The following TNS3 variants were observed in gnomAD, a reference collection of about 807,000 sequenced individuals.
TNS3 encodes the protein tensin-3.
TNS3 carries 45 observed loss-of-function variants against 140.9 expected under a neutral mutation model. The ratio of observed to expected loss-of-function variants is 0.32; its 90% CI spans 0.25 to 0.41. The LOEUF is 0.41. Ranked by LOEUF, TNS3 falls within the 10% of genes least tolerant of loss-of-function variation. The pLI is 1.00. For missense variants in TNS3, 1,716 were observed against 1,906.7 expected (o/e 0.90, Z 1.86); for synonymous variants, 815 against 788.4 (o/e 1.03, Z -0.56).
At chr7:47,466,752 G>C (rs1796734712) in intron 4 of TNS3, among the ~76,000 whole-genome samples, 1 of 152,196 alleles carries the variant, frequency 6.6e-6, no homozygotes, top group Admixed American at 6.5e-5. Context: ...GAGGACCAGA[G>C]CCTAGAGCCA....
At chr7:47,283,918 G>A (rs1309737224) in intron 27 of TNS3, 53 bp from the exon 28 acceptor site, 2 of 1,473,866 alleles carry the variant, frequency 1.4e-6, no homozygotes, top group Non-Finnish European at 1.8e-6. Flanking sequence ...GGACAGGTGT[G>A]TCCTGTTAAC....
chr7:47,323,094 A>T (rs1003481856), intron 20 of TNS3, among the ~76,000 whole-genome samples: 2 of 152,160 alleles, frequency 1.3e-5, no homozygotes, highest in African/African-American at 2.4e-5. Context: ...GGCTGGAGGT[A>T]CCGCTCCTCG....
intron 16 of TNS3, among the ~76,000 whole-genome samples, chr7:47,369,939 T>A (rs1450876423): frequency 6.6e-6 from 1 of 152,202 alleles, no homozygotes; most frequent in African/African-American, 2.4e-5. Flanking sequence ...GTTAATTTCA[T>A]CATGATTGTG....
At chr7:47,544,621 C>G (rs565976243) in intron 1 of TNS3, among the ~76,000 whole-genome samples, 10 of 152,196 alleles carry the variant, frequency 6.6e-5, no homozygotes, top group African/African-American at 2.4e-4. Context: ...GGACTTCCAG[C>G]CTCCAACTGT....
At chr7:47,361,102 T>A (rs1444957369) in intron 17 of TNS3, among the ~76,000 whole-genome samples, 1 of 149,456 alleles carries the variant, frequency 6.7e-6, no homozygotes, top group Non-Finnish European at 1.5e-5. Flanking sequence ...GGAACCCCCA[T>A]CCTGCCTAAA....
intron 20 of TNS3, among the ~76,000 whole-genome samples, chr7:47,323,939 G>A (rs542403667): frequency 6.6e-5 from 10 of 152,158 alleles, no homozygotes; most frequent in East Asian, 1.9e-4. Flanking sequence ...GAAAAAATCC[G>A]GAAAAACGTA....
chr7:47,374,703 A>C (rs1219732969), intron 16 of TNS3, among the ~76,000 whole-genome samples: 3 of 152,250 alleles, frequency 2.0e-5, no homozygotes, highest in African/African-American at 7.2e-5. Context: ...GCGCTGATCC[A>C]TCATTAAAGA....
At chr7:47,536,919 C>T (rs1205884939) in intron 1 of TNS3, among the ~76,000 whole-genome samples, 1 of 152,218 alleles carries the variant, frequency 6.6e-6, no homozygotes, top group African/African-American at 2.4e-5. Flanking sequence ...CACACCAGCA[C>T]AGCGTCCACG....
At chr7:47,578,951 GA>G (rs1784465857) in intron 1 of TNS3, among the ~76,000 whole-genome samples, 1 of 142,602 alleles carries the variant, frequency 7.0e-6, no homozygotes, top group Admixed American at 7.2e-5. Context: ...TGGTGGCAGC[GA>G]TTTTTCTTGT....
chr7:47,438,695 C>A (rs1004507269), intron 6 of TNS3, among the ~76,000 whole-genome samples: 3 of 152,202 alleles, frequency 2.0e-5, no homozygotes, highest in African/African-American at 7.2e-5. Flanking sequence ...ACATCCTACT[C>A]TGCCACTTGG....
At chr7:47,314,267 C>T (rs547819467) in intron 20 of TNS3, among the ~76,000 whole-genome samples, 158 of 152,340 alleles carry the variant, frequency 1.0e-3, no homozygotes, top group African/African-American at 3.6e-3. Context: ...TACACAGAAC[C>T]TACACCCTGC....
intron 4 of TNS3, among the ~76,000 whole-genome samples, chr7:47,473,461 G>A (rs539220515): frequency 1.3e-5 from 2 of 152,326 alleles, no homozygotes; most frequent in Admixed American, 6.5e-5. Context: ...AAGGGGCAGC[G>A]GTGAATCCAG....
At chr7:47,417,016 G>A (rs1468562950) in intron 10 of TNS3, among the ~76,000 whole-genome samples, 4 of 152,144 alleles carry the variant, frequency 2.6e-5, no homozygotes, top group Admixed American at 6.5e-5. Context: ...CAGTGACCAC[G>A]CGGCTAAGAC....
At chr7:47,477,409 G>A (rs1472491141) in intron 4 of TNS3, among the ~76,000 whole-genome samples, 1 of 152,160 alleles carries the variant, frequency 6.6e-6, no homozygotes, top group Admixed American at 6.5e-5. Flanking sequence ...CCAGGTGTGG[G>A]AGGGGCCGCC....
At chr7:47,345,410 A>G (rs1165763094) in intron 18 of TNS3, among the ~76,000 whole-genome samples, 1 of 152,256 alleles carries the variant, frequency 6.6e-6, no homozygotes, top group Non-Finnish European at 1.5e-5. Context: ...ATATATTCAC[A>G]GATGCATAAA....
intron 2 of TNS3, among the ~76,000 whole-genome samples, chr7:47,507,330 G>A (rs188850328): frequency 4.1e-4 from 62 of 152,276 alleles, no homozygotes; most frequent in African/African-American, 1.5e-3. Context: ...GAATGCATTC[G>A]TGTGTGCCCA....
intron 2 of TNS3, among the ~76,000 whole-genome samples, chr7:47,515,065 T>C (rs143379184): frequency 2.0e-5 from 3 of 152,334 alleles, no homozygotes; most frequent in African/African-American, 7.2e-5. Flanking sequence ...TTAACCCCAT[T>C]GCTCAATGTC....
intron 2 of TNS3, among the ~76,000 whole-genome samples, chr7:47,507,489 G>A (rs753285347): frequency 5.3e-5 from 8 of 152,088 alleles, no homozygotes; most frequent in Non-Finnish European, 1.0e-4. Flanking sequence ...TTCCACTTCC[G>A]GCCAACCTGA....
At chr7:47,543,180 C>A (rs1368216904) in intron 1 of TNS3, among the ~76,000 whole-genome samples, 1 of 152,184 alleles carries the variant, frequency 6.6e-6, no homozygotes, top group Admixed American at 6.5e-5. Flanking sequence ...TGTCTCTTTC[C>A]CTGTGCAGCC....
Sources: allele counts gnomAD v4.1 joint callset (sites outside exome capture counted in the v4.1 genomes callset), GRCh38; gene constraint gnomAD v4.1.1; transcripts MANE v1.5; gene names NCBI Gene and HGNC (gene_info 2026-07-23, HGNC 2026-07-21).